The following EPM2A variants were observed in gnomAD, a reference collection of about 807,000 sequenced individuals.
The protein encoded by EPM2A is EPM2A glucan phosphatase, laforin, also known as laforin.
EPM2A carries 21 observed loss-of-function variants against 26.5 expected under a neutral mutation model. The observed-to-expected ratio is 0.79, with a 90% CI of 0.56 to 1.14. The LOEUF (loss-of-function observed/expected upper bound fraction) is 1.14. EPM2A is among the 50% of genes most tolerant of loss of function. EPM2A has a pLI of 0.00. For missense variants in EPM2A, 458 were observed against 440.8 expected, an observed-to-expected ratio of 1.04 and a Z score of -0.35; for synonymous variants, 217 against 177.6, an observed-to-expected ratio of 1.22 and a Z score of -1.76.
chr6:145,627,534 T>G lies in EPM2A; in HGVS notation c.878A>C (p.Gln293Pro). Residue 293 changes from glutamine (Q) to proline (P), a missense_variant, in exon 4 of 4, where the codon CAG becomes CCG. Physicochemically the swap from Gln to Pro is moderately conservative, Grantham distance 76. Transcript: ENST00000367519. ...CGGCCTCTTGGCCATGAGGAAATAC[T>G]GCACCTTCCTCAGATTCCAGCCCAT... ...YVMGWNLRKV[Q>P]YFLMAKRPAV... 1 of 1,614,228 alleles carries G rather than the reference T, an allele frequency of 6.2e-7. No homozygotes were observed. Among genetic ancestry groups the G allele is most frequent in the Non-Finnish European group, 8.5e-7 (1 of 1,180,014 alleles).
intron 2 of EPM2A, among the ~76,000 whole-genome samples, chr6:145,577,419 T>C (rs1447588511): frequency 1.3e-5 from 2 of 150,528 alleles, no homozygotes; most frequent in Non-Finnish European, 3.0e-5. Context: ...TAAAATAGAT[T>C]TCAAGACAAA....
At chr6:145,512,710 C>CA (rs58668403) in intron 2 of EPM2A, among the ~76,000 whole-genome samples, 964 of 22,468 alleles carry the variant, frequency 0.043, 155 homozygotes, top group Non-Finnish European at 0.082. Context: ...GACTCCATCT[C>CA]AAAAAAAAAA....
At position 145,735,311 on chromosome 6, in the gene EPM2A, T is replaced by A; in HGVS notation, c.188A>T (p.Glu63Val). 7.7e-7 allele frequency: 1 copy of A among 1,295,010 alleles called. No homozygotes were observed. The allele number at this position is 1,295,010 out of a possible 1,614,324, so 80.2% of individuals were successfully genotyped here. Residue 63 changes from glutamate to valine, a missense_variant, in exon 1 of 4, where the codon GAG (glutamate) becomes GTG (valine). Physicochemically the swap from Glu to Val is moderately radical, Grantham distance 121. Transcript: ENST00000367519. ...CGCCTCCTCGGCCGCCAGCTCCACC[T>A]CCCCGAGCCACAGGCCCGGCTCCTG... Reference protein sequence around the residue: ...ALQEPGLWLGEVELAAEEAAQ... With the variant: ...ALQEPGLWLGVVELAAEEAAQ...
chr6:145,600,093 G>C lies in EPM2A; in HGVS notation c.340+35152C>G, dbSNP rs141493881. On this transcript the variant is annotated intron_variant, in intron 2 of 3. Coordinates refer to the EPM2A transcript ENST00000450221. ...CATCATTGAACTCTCAATTTTTCTA[G>C]GTTTCTTTATATTCTGTCTTATTTT... 2.6e-5 allele frequency among the ~76,000 whole-genome samples: 4 copies of C among 151,974 alleles called. No individual in the cohort carries two copies. The East Asian group carries it at 7.7e-4, about 29-fold the overall frequency.
At chr6:145,427,894 G>A (rs562064908) in intron 4 of EPM2A, among the ~76,000 whole-genome samples, 61 of 152,010 alleles carry the variant, frequency 4.0e-4, no homozygotes, top group African/African-American at 1.3e-3. Context: ...TTTACTTTAA[G>A]TGTGTCTCCT....
chr6:145,540,933 A>C (rs989954732), intron 2 of EPM2A, among the ~76,000 whole-genome samples: 7 of 152,196 alleles, frequency 4.6e-5, no homozygotes, highest in Non-Finnish European at 1.0e-4. Flanking sequence ...AAAATGAATG[A>C]GTAATTCAAA....
At chr6:145,696,826 T>TGG (rs71552937) in intron 1 of EPM2A, among the ~76,000 whole-genome samples, 3 of 128,338 alleles carry the variant, frequency 2.3e-5, no homozygotes, top group Non-Finnish European at 3.4e-5. Context: ...TGTGTGTGTG[T>TGG]GGTGTGTTTC....
intron 2 of EPM2A, among the ~76,000 whole-genome samples, chr6:145,603,081 T>C (rs1020599127): frequency 1.3e-5 from 2 of 151,664 alleles, no homozygotes; most frequent in African/African-American, 4.8e-5. Context: ...ATAACAGGAG[T>C]CTTCATGCTG....
At chr6:145,482,378 C>G (rs1016045368) in intron 4 of EPM2A, among the ~76,000 whole-genome samples, 4 of 151,982 alleles carry the variant, frequency 2.6e-5, no homozygotes, top group African/African-American at 9.7e-5. Flanking sequence ...TTGTTAGTGC[C>G]TGGAATATAT....
At chr6:145,407,797 G>A (rs10484700) in intron 4 of EPM2A, among the ~76,000 whole-genome samples, 58,472 of 151,944 alleles carry the variant, frequency 0.38, 11,670 homozygotes, top group South Asian at 0.53. Flanking sequence ...AAAAATTGTC[G>A]TCAAGTCAGG....
intron 2 of EPM2A, among the ~76,000 whole-genome samples, chr6:145,521,393 C>T (rs1055880824): frequency 2.6e-5 from 4 of 152,060 alleles, no homozygotes; most frequent in Non-Finnish European, 4.4e-5. Context: ...GATTACCAGG[C>T]GATACTTGAA....
In EPM2A at chr6:145,465,258, G is replaced by A. The variant is rs1228558522; in HGVS notation, c.555+37264C>T. On this transcript the variant is annotated intron_variant, in intron 4 of 4. Transcript: ENST00000638717. The stretch of plus-strand genomic sequence containing the variant: ...CTGATACCCTTTCTTCCAGTTGATC[G>A]CATCGGCTCCTGAGGCTTCTGCATT... Among the ~76,000 whole-genome samples the A allele has an allele frequency of 1.1e-4, 16 of 151,596 alleles. No individual in the cohort carries two copies. In the East Asian group the frequency reaches 2.7e-3, roughly 26 times the overall value.
intron 2 of EPM2A, among the ~76,000 whole-genome samples, chr6:145,608,278 G>A (rs1775311615): frequency 6.6e-6 from 1 of 152,168 alleles, no homozygotes; most frequent in Non-Finnish European, 1.5e-5. Context: ...TGTATAGGAT[G>A]TATAGGAAAA....
intron 4 of EPM2A, among the ~76,000 whole-genome samples, chr6:145,454,418 C>T (rs889629878): frequency 7.9e-5 from 12 of 152,000 alleles, no homozygotes; most frequent in African/African-American, 2.7e-4. Context: ...CTAGTTATCT[C>T]GAGCTTCCAT....
chr6:145,501,060 T>TA (rs1779882812), downstream of EPM2A, among the ~76,000 whole-genome samples: 1 of 152,170 alleles, frequency 6.6e-6, no homozygotes, highest in African/African-American at 2.4e-5. Context: ...CCAACTAACA[T>TA]TTTCTGAACA....
chr6:145,646,581 C>T (rs1212881297), intron 2 of EPM2A, among the ~76,000 whole-genome samples: 1 of 152,012 alleles, frequency 6.6e-6, no homozygotes, highest in African/African-American at 2.4e-5. Flanking sequence ...TACCATGCTT[C>T]CGTCCCCTTC....
chr6:145,732,965 G>GC (rs1227672712), intron 1 of EPM2A, among the ~76,000 whole-genome samples: 3 of 152,270 alleles, frequency 2.0e-5, no homozygotes, highest in African/African-American at 7.2e-5. Context: ...TGGTTGGTGA[G>GC]CCCAGGCAAT....
intron 2 of EPM2A, among the ~76,000 whole-genome samples, chr6:145,574,643 C>G (rs1426616248): frequency 6.6e-6 from 1 of 152,200 alleles, no homozygotes; most frequent in Non-Finnish European, 1.5e-5. Flanking sequence ...TTCCCCATCC[C>G]AAACTCCCTA....
At chr6:145,444,932 T>G (rs1395480637) in intron 4 of EPM2A, among the ~76,000 whole-genome samples, 1 of 151,988 alleles carries the variant, frequency 6.6e-6, no homozygotes, top group African/African-American at 2.4e-5. Flanking sequence ...ATTTAGATTT[T>G]TTTTTTCATT....
Sources: allele counts gnomAD v4.1 joint callset (sites outside exome capture counted in the v4.1 genomes callset), GRCh38; gene constraint gnomAD v4.1.1; transcripts MANE v1.5; gene names NCBI Gene and HGNC (gene_info 2026-07-23, HGNC 2026-07-21).